DACH2: variants seen among roughly 807,000 people sequenced by gnomAD.
DACH2 encodes dachshund family transcription factor 2.
DACH2 carries 17 observed loss-of-function variants against 35.8 expected under a neutral mutation model. That is an observed-to-expected ratio of 0.48 (90% CI 0.33 to 0.71). The LOEUF (loss-of-function observed/expected upper bound fraction) is 0.71, where lower values mean the gene tolerates loss of function less well. Ranked by LOEUF, DACH2 falls within the 30% of genes least tolerant of loss-of-function variation. DACH2 has a pLI of 0.02. For missense variants in DACH2, 469 were observed against 472.7 expected, an observed-to-expected ratio of 0.99 and a Z score of 0.07; for synonymous variants, 195 against 177.3, an observed-to-expected ratio of 1.10 and a Z score of -0.79.
intron 1 of DACH2, among the ~76,000 whole-genome samples, chrX:86,268,785 A>G (rs1381393402): frequency 9.0e-6 from 1 of 110,521 alleles, no homozygotes; most frequent in Non-Finnish European, 1.9e-5. Flanking sequence ...CTGCTTGCCT[A>G]GACCTCCCAA....
At chrX:86,435,610 C>T (rs1406790851) in intron 2 of DACH2, among the ~76,000 whole-genome samples, 3 of 111,679 alleles carry the variant, frequency 2.7e-5, no homozygotes, top group African/African-American at 6.5e-5. Context: ...ATGTCCACAT[C>T]GATACAATTT....
chrX:86,596,789 T>C (rs1447416217), intron 3 of DACH2, among the ~76,000 whole-genome samples: 2 of 111,315 alleles, frequency 1.8e-5, no homozygotes, highest in Non-Finnish European at 3.8e-5. Context: ...TAAGAAACTA[T>C]TGCCACATCC....
chrX:86,497,652 C>T (rs1487657801), intron 2 of DACH2, among the ~76,000 whole-genome samples: 8 of 111,343 alleles, frequency 7.2e-5, no homozygotes, highest in Non-Finnish European at 1.5e-4. Flanking sequence ...CTGCTTTATG[C>T]TTTCTATGTT....
chrX:86,556,773 T>C, intron 3 of DACH2, among the ~76,000 whole-genome samples: 1 of 55,893 alleles, frequency 1.8e-5, no homozygotes, highest in South Asian at 1.4e-3. Flanking sequence ...TATATATATA[T>C]ATATATATAT....
chrX:86,813,318 G>A, intron 9 of DACH2, 41 bp downstream of exon 9: 2 of 1,123,130 alleles, frequency 1.8e-6, no homozygotes, highest in Non-Finnish European at 2.4e-6. Flanking sequence ...ATATTATGTT[G>A]GGGGTATTTT....
intron 3 of DACH2, among the ~76,000 whole-genome samples, chrX:86,554,961 T>C (rs2039097904): frequency 2.7e-5 from 3 of 112,014 alleles, no homozygotes; most frequent in Non-Finnish European, 3.8e-5. Flanking sequence ...ATAGATTTTG[T>C]TGGAAAATGA....
chrX:86,632,161 A>C (rs1330924525), intron 3 of DACH2, among the ~76,000 whole-genome samples: 3 of 111,248 alleles, frequency 2.7e-5, no homozygotes, highest in Non-Finnish European at 5.7e-5. Context: ...GAGAGTTTTA[A>C]ATAAGTTCAA....
intron 2 of DACH2, among the ~76,000 whole-genome samples, chrX:86,390,764 AT>A (rs1361321415): frequency 9.3e-6 from 1 of 107,934 alleles, no homozygotes; most frequent in Non-Finnish European, 1.9e-5. Context: ...TAATTTTTGT[AT>A]TTTTAGTTAA....
rs748399760 is a variant in DACH2 at position 86,814,825 on chromosome X, A to G, written c.1675A>G (p.Met559Val). Residue 559 changes from methionine (M) to valine (V), a missense_variant, in exon 10 of 12, where the codon ATG becomes GTG. By Grantham distance (21) the Met-to-Val change is conservative. Around this residue, in one of 3 missense-constraint regions of DACH2, gnomAD observed 363 missense variants for 334.4 expected, o/e 1.09. Transcript: ENST00000373125. ...CACCACTAGTGACAGTGGCCTGAGG[A>G]TGTTAAAAGGTAATGTCTGATTTGG... is the stretch of plus-strand genomic sequence containing the variant. ...QATTSDSGLR[M>V]LKDTGIPDIE... 4 of 1,205,150 alleles carry G rather than the reference A, an allele frequency of 3.3e-6. No individual in the cohort carries two copies. In the Admixed American group the frequency reaches 8.9e-5, roughly 27 times the overall value.
At chrX:86,581,817 T>G (rs2039505091) in intron 3 of DACH2, among the ~76,000 whole-genome samples, 1 of 111,197 alleles carries the variant, frequency 9.0e-6, no homozygotes, top group African/African-American at 3.3e-5. Flanking sequence ...CCACTGAAAG[T>G]GTTAGACAGA....
intron 5 of DACH2, among the ~76,000 whole-genome samples, chrX:86,699,967 T>C (rs2041120779): frequency 8.9e-6 from 1 of 111,921 alleles, no homozygotes; most frequent in Admixed American, 9.5e-5. Flanking sequence ...TACCCAAAAG[T>C]CATTTGGGAG....
chrX:86,518,480 T>G (rs959963682), intron 3 of DACH2, among the ~76,000 whole-genome samples: 3 of 112,266 alleles, frequency 2.7e-5, no homozygotes, highest in African/African-American at 9.7e-5. Context: ...TGTAAATTGC[T>G]TTGGGCAGTA....
intron 1 of DACH2, among the ~76,000 whole-genome samples, chrX:86,370,815 C>A (rs2035876151): frequency 9.0e-6 from 1 of 111,340 alleles, no homozygotes; most frequent in Non-Finnish European, 1.9e-5. Flanking sequence ...GGAAGAATAT[C>A]ATTGAAAATA....
chrX:86,636,194 C>A (rs1056658990), intron 3 of DACH2, among the ~76,000 whole-genome samples: 2 of 111,100 alleles, frequency 1.8e-5, no homozygotes, highest in Non-Finnish European at 3.8e-5. Context: ...CACCTGTAAT[C>A]TCAACACTTT....
chrX:86,784,038 T>C (rs1051487351), intron 7 of DACH2, among the ~76,000 whole-genome samples: 1 of 110,936 alleles, frequency 9.0e-6, no homozygotes, highest in African/African-American at 3.3e-5. Flanking sequence ...AGGGGATGGA[T>C]ACCTCATTCT....
At chrX:86,693,091 A>T (rs1463657689) in intron 4 of DACH2, among the ~76,000 whole-genome samples, 1 of 112,576 alleles carries the variant, frequency 8.9e-6, no homozygotes, top group East Asian at 2.8e-4. Context: ...AACAGCCAAC[A>T]TCTGGATGAA....
At position 86,236,850 on chromosome X, in the gene DACH2, A is replaced by G. The variant is rs752855175; in HGVS notation, c.488+87742A>G. 6.2e-5 allele frequency among the ~76,000 whole-genome samples: 7 copies of G among 112,205 alleles called. No homozygotes were observed. The South Asian group carries it at 2.6e-3, about 41-fold the overall frequency. ...ACAAACACTACATTTAGACTACACC[A>G]ATTTTACTTTAAAGAGTTTATTTCT... On this transcript the variant is annotated intron_variant, in intron 1 of 11. Transcript: ENST00000373125.
intron 2 of DACH2, among the ~76,000 whole-genome samples, chrX:86,447,233 C>T (rs1298187831): frequency 1.2e-5 from 1 of 83,226 alleles, no homozygotes; most frequent in East Asian, 4.1e-4. Context: ...AATTTTCTCC[C>T]ATGTTGTAGG....
At chrX:86,587,840 A>G (rs886712356) in intron 3 of DACH2, among the ~76,000 whole-genome samples, 2 of 111,703 alleles carry the variant, frequency 1.8e-5, no homozygotes, top group African/African-American at 6.5e-5. Flanking sequence ...CTTTCTTTAT[A>G]GTTTGTTTTG....
Sources: gnomAD v4.1 joint callset for allele counts (sites outside exome capture counted in the v4.1 genomes callset) on GRCh38, gnomAD v4.1.1 for gene constraint, gnomAD v4.1.1 regional missense constraint, MANE v1.5 for transcripts, NCBI Gene and HGNC (gene_info 2026-07-23, HGNC 2026-07-21) for gene names.